Variants in ABCC6 observed in about 807,000 individuals in gnomAD.
ABCC6 encodes ATP-binding cassette sub-family C member 6.
ABCC6 carries 126 observed loss-of-function variants against 169.5 expected under a neutral mutation model. That is an observed-to-expected ratio of 0.74 (90% CI 0.64 to 0.86). The LOEUF (loss-of-function observed/expected upper bound fraction) is 0.86. ABCC6 is among the 40% of genes least tolerant of loss of function. The pLI, the probability that ABCC6 is intolerant of heterozygous loss-of-function variation, is 0.00. For synonymous variants in ABCC6, 752 were observed against 814.7 expected (o/e 0.92, Z 1.31); for missense variants, 1,733 against 1,927.2 (o/e 0.90, Z 1.89).
chr16:16,159,609 G>T, intron 25 of ABCC6, 26 bp from the exon 26 acceptor site: 9 of 1,612,030 alleles, frequency 5.6e-6, no homozygotes, highest in Non-Finnish European at 7.6e-6. Context: ...CTCTCTGGCT[G>T]GGTTTGGCAA....
chr16:16,182,384 T>C (rs1300580816), intron 17 of ABCC6, 28 bp downstream of exon 17: 2 of 1,612,888 alleles, frequency 1.2e-6, no homozygotes. Context: ...AATGTCTCCC[T>C]GTCCCAAAAA....
intron 6 of ABCC6, among the ~76,000 whole-genome samples, chr16:16,211,097 A>T (rs1025767987): frequency 7.2e-5 from 10 of 138,630 alleles, no homozygotes; most frequent in African/African-American, 2.7e-4. Flanking sequence ...CTCTGTCTCA[A>T]AAAAAAAAAG....
chr16:16,211,092 T>C (rs2048599324), intron 6 of ABCC6, among the ~76,000 whole-genome samples: 1 of 129,696 alleles, frequency 7.7e-6, no homozygotes, highest in Non-Finnish European at 1.7e-5. Flanking sequence ...TGAAACTCTG[T>C]CTCAAAAAAA....
At chr16:16,156,470 G>A (rs1360524181) in intron 27 of ABCC6, among the ~76,000 whole-genome samples, 2 of 152,208 alleles carry the variant, frequency 1.3e-5, no homozygotes, top group Non-Finnish European at 2.9e-5. Flanking sequence ...CCGAGAGGCA[G>A]CTGCTCCACA....
chr16:16,203,570 T>C lies in ABCC6; in HGVS notation c.838A>G (p.Met280Val). 1.2e-6 allele frequency: 2 copies of C among 1,614,030 alleles called. No homozygotes were observed. Among genetic ancestry groups the C allele is most frequent in the Non-Finnish European group, 1.7e-6 (2 of 1,179,870 alleles). Residue 280 changes from methionine to valine, a missense_variant, in exon 8 of 31, where the codon ATG (methionine) becomes GTG (valine). This residue lies in a region of ABCC6 where 1,601 missense variants were observed against 1,635.5 expected (regional missense o/e 0.98). Transcript: ENST00000205557. ...IAFKRKGGSG[M>V]KAPETEPFLR... ...AAGGGCTCGGTCTCTGGAGCCTTCA[T>C]GCCACTGCCGCCTTTCCTTTTAAAT... is the stretch of plus-strand genomic sequence containing the variant.
At position 16,187,915 on chromosome 16, in the gene ABCC6, A is replaced by AT. The variant is rs1430330450; in HGVS notation, c.1780-705dup. On this transcript the variant is annotated intron_variant, in intron 13 of 30. Coordinates refer to ENST00000205557, the MANE Select transcript of ABCC6 (RefSeq NM_001171.6). ...CTGTCTCAATAAATAAATTAAATAA[A>AT]TAAATAAATAAATAAATAAATAAAT... Among the ~76,000 whole-genome samples, 2 of 147,686 alleles carry AT rather than the reference A, an allele frequency of 1.4e-5. 1 individual carries two copies. Among genetic ancestry groups the AT allele is most frequent in the South Asian group, 4.3e-4 (2 of 4,672 alleles).
intron 29 of ABCC6, among the ~76,000 whole-genome samples, chr16:16,153,371 G>T (rs143226583): frequency 6.6e-6 from 1 of 152,310 alleles, no homozygotes; most frequent in East Asian, 1.9e-4. Flanking sequence ...AAAAGGTAGA[G>T]AATCTGACAC....
At chr16:16,192,544 T>C (rs1367762535) in intron 11 of ABCC6, among the ~76,000 whole-genome samples, 1 of 151,980 alleles carries the variant, frequency 6.6e-6, no homozygotes, top group Non-Finnish European at 1.5e-5. Flanking sequence ...TTTGGATGCA[T>C]TTTGAAGGTG....
rs63751325 is a variant in ABCC6 at position 16,155,022 on chromosome 16, C to A, written c.3892G>T (p.Val1298Phe). The A allele has an allele frequency of 6.4e-7, 1 of 1,556,550 alleles. No individual in the cohort carries two copies. Among genetic ancestry groups the A allele is most frequent in the Non-Finnish European group, 8.7e-7 (1 of 1,150,848 alleles). ...GACTTCCCTGCCCCGGTCCTGCCAA[C>A]GATGCCCACCTGCCCGGGGTTGGGA... ...KIHAGEKVGIVGRTGAGKSSL... is the reference protein window; with the variant it reads ...KIHAGEKVGIFGRTGAGKSSL... Residue 1298 changes from valine to phenylalanine, a missense_variant, in exon 28 of 31, where the codon GTT becomes TTT. By Grantham distance (50) the Val-to-Phe change is conservative (BLOSUM62 -1). Transcript: ENST00000205557.
rs1423964534 is a variant in ABCC6 at position 16,165,943 on chromosome 16, G to A, written c.2996-10C>T. On this transcript the variant is annotated splice_polypyrimidine_tract_variant and intron_variant, in intron 22 of 30. Transcript: ENST00000205557. The stretch of plus-strand genomic sequence containing the variant: ...GCAAACAGCCCAATGGCTGGGGAGG[G>A]AGAGGAGGTAAGAGCATGAGGGCTG... 1 of 1,612,338 alleles carries A rather than the reference G, an allele frequency of 6.2e-7. No individual in the cohort carries two copies. Among genetic ancestry groups the A allele is most frequent in the Non-Finnish European group, 8.5e-7 (1 of 1,179,750 alleles).
chr16:16,152,521 A>G (rs2046417230), intron 29 of ABCC6, among the ~76,000 whole-genome samples: 1 of 151,994 alleles, frequency 6.6e-6, no homozygotes, highest in Non-Finnish European at 1.5e-5. Context: ...CTGTGAAATG[A>G]TGTTATCAGG....
chr16:16,221,502 G>A (rs2049072211), intron 2 of ABCC6, 147 bp downstream of exon 2: 3 of 1,482,420 alleles, frequency 2.0e-6, no homozygotes, highest in South Asian at 2.7e-5. Flanking sequence ...GACCTCTGTA[G>A]CCTTTCTAAT....
intron 27 of ABCC6, among the ~76,000 whole-genome samples, chr16:16,157,245 A>G (rs1466114822): frequency 6.6e-6 from 1 of 152,192 alleles, no homozygotes; most frequent in African/African-American, 2.4e-5. Flanking sequence ...ACAACAACTC[A>G]GAGATCAGTA....
At chr16:16,214,582 C>G in intron 4 of ABCC6, 133 bp from the exon 5 acceptor site, 1 of 1,476,414 alleles carries the variant, frequency 6.8e-7, no homozygotes, top group African/African-American at 1.4e-5. Flanking sequence ...AGAGCCCTGG[C>G]TTTCCTAGTG....
intron 19 of ABCC6, 93 bp from the exon 20 acceptor site, chr16:16,176,079 A>T (rs964809822): frequency 8.0e-7 from 1 of 1,256,002 alleles, no homozygotes; most frequent in Non-Finnish European, 1.2e-6. Flanking sequence ...CTGACCATCC[A>T]TTTCCCCTGA....
At chr16:16,168,899 G>C (rs2046967352) in intron 22 of ABCC6, among the ~76,000 whole-genome samples, 1 of 152,038 alleles carries the variant, frequency 6.6e-6, no homozygotes, top group African/African-American at 2.4e-5. Flanking sequence ...TGGCCAACAT[G>C]GTGAAACCCC....
In ABCC6 at chr16:16,190,329, G is replaced by A; in HGVS notation, c.1470C>T (p.Leu490=). 1 of 1,614,182 alleles carries A rather than the reference G, an allele frequency of 6.2e-7. No homozygotes were observed. Among genetic ancestry groups the A allele is most frequent in the Non-Finnish European group, 8.5e-7 (1 of 1,180,036 alleles). ...TCGAGTTCCTGAGGATAGAGCTGGT[G>A]AGCCGTGCCCGTGAGTCCTTCTGCC... ...QMRQKDSRAR[L]TSSILRNSKT... is the part of the protein sequence containing the mutation. The change falls in exon 12 of 31, where the codon CTC becomes CTT. Residue 490 remains leucine, a synonymous_variant. Coordinates refer to ENST00000205557, the MANE Select transcript of ABCC6 (RefSeq NM_001171.6).
intron 12 of ABCC6, among the ~76,000 whole-genome samples, chr16:16,189,272 C>T (rs886556164): frequency 7.9e-5 from 12 of 152,298 alleles, no homozygotes; most frequent in African/African-American, 2.6e-4. Flanking sequence ...TTCCAGGCAT[C>T]GGGGGACAGC....
chr16:16,183,062 T>A (rs2047534132), intron 15 of ABCC6, 132 bp from the exon 16 acceptor site: 1 of 1,377,942 alleles, frequency 7.3e-7, no homozygotes, highest in African/African-American at 1.4e-5. Flanking sequence ...GCTGTTCTTT[T>A]TCCCAGTCCT....
Sources: gnomAD v4.1 joint callset for allele counts (sites outside exome capture counted in the v4.1 genomes callset) on GRCh38, gnomAD v4.1.1 for gene constraint, gnomAD v4.1.1 regional missense constraint, MANE v1.5 for transcripts, NCBI Gene and HGNC (gene_info 2026-07-23, HGNC 2026-07-21) for gene names.